Variants in DMD observed in about 807,000 individuals in gnomAD.
DMD encodes mutant dystrophin.
In DMD, 63 loss-of-function variants were observed where a neutral mutation model predicts 330.1. The ratio of observed to expected loss-of-function variants is 0.19; its 90% CI spans 0.16 to 0.24. The LOEUF is 0.24. Ranked by LOEUF, DMD falls within the 10% of genes least tolerant of loss-of-function variation. The pLI is 1.00. For missense variants in DMD, 3,344 were observed against 2,684.1 expected, an observed-to-expected ratio of 1.25 and a Z score of -5.43; for synonymous variants, 1,223 against 959.8, an observed-to-expected ratio of 1.27 and a Z score of -5.07.
intron 62 of DMD, among the ~76,000 whole-genome samples, chrX:31,289,940 A>C (rs1170352485): frequency 9.7e-6 from 1 of 103,262 alleles, no homozygotes; most frequent in Non-Finnish European, 2.0e-5. Context: ...TTATTATTTG[A>C]GACAGAGTCT....
intron 48 of DMD, among the ~76,000 whole-genome samples, chrX:31,873,546 T>G (rs1483693637): frequency 8.9e-6 from 1 of 112,002 alleles, no homozygotes; most frequent in Non-Finnish European, 1.9e-5. Context: ...ATTTAACAAT[T>G]AAAGTCAATT....
chrX:32,670,874 T>A (rs960595088), intron 9 of DMD, among the ~76,000 whole-genome samples: 3 of 111,867 alleles, frequency 2.7e-5, no homozygotes, highest in African/African-American at 9.7e-5. Context: ...GAACAGATTC[T>A]GTGAATGCCA....
intron 1 of DMD, among the ~76,000 whole-genome samples, chrX:33,077,350 A>G (rs1212668345): frequency 1.8e-5 from 2 of 111,763 alleles, no homozygotes; most frequent in Non-Finnish European, 3.8e-5. Context: ...TGGAGGTTAG[A>G]AGCAAGATGG....
At chrX:33,319,240 G>A (rs764108505) in intron 1 of DMD, among the ~76,000 whole-genome samples, 6 of 110,680 alleles carry the variant, frequency 5.4e-5, no homozygotes, top group Admixed American at 1.9e-4. Flanking sequence ...TTTAGTTTAC[G>A]CCACCCAGTT....
chrX:31,704,661 C>A (rs1807822164), intron 52 of DMD, among the ~76,000 whole-genome samples: 1 of 111,383 alleles, frequency 9.0e-6, no homozygotes, highest in African/African-American at 3.3e-5. Context: ...TGCTTTTTAA[C>A]CCAAACAAAA....
At chrX:33,178,732 A>G (rs1451534919) in intron 1 of DMD, among the ~76,000 whole-genome samples, 1 of 112,751 alleles carries the variant, frequency 8.9e-6, no homozygotes, top group Non-Finnish European at 1.9e-5. Context: ...CTGCTCTGCC[A>G]TAATAAAGCT....
chrX:32,504,016 C>G (rs2044355305), intron 18 of DMD, among the ~76,000 whole-genome samples: 1 of 111,593 alleles, frequency 9.0e-6, no homozygotes, highest in Admixed American at 9.5e-5. Context: ...ATAGAAAGCT[C>G]AGAAACAGAT....
chrX:33,329,252 G>A (rs755243071), intron 1 of DMD, among the ~76,000 whole-genome samples: 2 of 111,713 alleles, frequency 1.8e-5, no homozygotes, highest in South Asian at 3.7e-4. Context: ...ATAACAGCCA[G>A]AAAGGCTGAA....
intron 9 of DMD, among the ~76,000 whole-genome samples, chrX:32,687,098 T>G (rs2062939017): frequency 2.7e-5 from 3 of 112,277 alleles, no homozygotes; most frequent in African/African-American, 9.7e-5. Context: ...TAGAAAGCAA[T>G]TAAGTGGCCA....
intron 50 of DMD, among the ~76,000 whole-genome samples, chrX:31,816,131 C>G (rs1038897999): frequency 8.0e-5 from 9 of 112,191 alleles, no homozygotes; most frequent in African/African-American, 2.3e-4. Context: ...ATAAATCACT[C>G]GTTTTGAACT....
chrX:32,331,541 C>A (rs2097679861), intron 41 of DMD, among the ~76,000 whole-genome samples: 1 of 110,928 alleles, frequency 9.0e-6, no homozygotes, highest in Non-Finnish European at 1.9e-5. Context: ...TGCTAAATTT[C>A]CACTTGATAG....
At chrX:31,898,312 T>G (rs2094374539) in intron 47 of DMD, among the ~76,000 whole-genome samples, 1 of 109,681 alleles carries the variant, frequency 9.1e-6, no homozygotes, top group African/African-American at 3.3e-5. Flanking sequence ...CATCGCCAAG[T>G]CAATCCTGAG....
intron 57 of DMD, among the ~76,000 whole-genome samples, chrX:31,489,749 AG>A (rs984903112): frequency 8.9e-6 from 1 of 112,005 alleles, no homozygotes; most frequent in Non-Finnish European, 1.9e-5. Context: ...GGGGGACAAA[AG>A]GAAGAGCACA....
intron 44 of DMD, among the ~76,000 whole-genome samples, chrX:32,191,544 G>A (rs1361027533): frequency 3.6e-5 from 4 of 111,149 alleles, no homozygotes; most frequent in African/African-American, 9.8e-5. Flanking sequence ...GCTAGGTCCC[G>A]GGAACACGAT....
chrX:33,037,444 T>G (rs2094224213), intron 1 of DMD, among the ~76,000 whole-genome samples: 1 of 111,573 alleles, frequency 9.0e-6, no homozygotes, highest in Non-Finnish European at 1.9e-5. Flanking sequence ...TGTTTTGGTT[T>G]GTTCAGTTAC....
At chrX:32,820,213 G>A (rs2078121232) in intron 5 of DMD, among the ~76,000 whole-genome samples, 1 of 112,225 alleles carries the variant, frequency 8.9e-6, no homozygotes, top group Non-Finnish European at 1.9e-5. Context: ...GCCGAGACGG[G>A]CGGATCACAA....
At chrX:31,138,234 C>A (rs1368736595) in intron 76 of DMD, among the ~76,000 whole-genome samples, 1 of 111,668 alleles carries the variant, frequency 9.0e-6, no homozygotes, top group Non-Finnish European at 1.9e-5. Flanking sequence ...GAACCCAAAC[C>A]ACAACTTGGT....
At chrX:31,238,169 G>A (rs1053788051) in intron 63 of DMD, among the ~76,000 whole-genome samples, 2 of 111,778 alleles carry the variant, frequency 1.8e-5, no homozygotes, top group African/African-American at 6.5e-5. Context: ...AGTCACAGGA[G>A]TGAGTTTGCC....
chrX:33,240,431 G>A (rs139085941), intron 1 of DMD, among the ~76,000 whole-genome samples: 3 of 111,629 alleles, frequency 2.7e-5, no homozygotes, highest in African/African-American at 9.7e-5. Context: ...TATTGTGTAC[G>A]TATACCACAT....
Sources: gnomAD v4.1 joint callset for allele counts (sites outside exome capture counted in the v4.1 genomes callset) on GRCh38, gnomAD v4.1.1 for gene constraint, MANE v1.5 for transcripts, NCBI Gene and HGNC (gene_info 2026-07-23, HGNC 2026-07-21) for gene names.